GLIPR2: variants seen among roughly 807,000 people sequenced by gnomAD.
The protein encoded by GLIPR2 is GLI pathogenesis related 2, also known as Golgi-associated plant pathogenesis-related protein 1.
In GLIPR2, 21 loss-of-function variants were observed where a neutral mutation model predicts 20.4. That is an observed-to-expected ratio of 1.03 (90% confidence interval 0.73 to 1.48). The LOEUF (loss-of-function observed/expected upper bound fraction) is 1.48. Ranked by LOEUF, GLIPR2 falls within the 40% of genes most tolerant of loss-of-function variation. The probability of loss-of-function intolerance (pLI) is 0.00; values close to 1 mark genes in which losing one functional copy is unlikely to be tolerated. For synonymous variants in GLIPR2, 91 were observed against 80.5 expected (o/e 1.13, Z -0.70); for missense variants, 205 against 200.1 (o/e 1.02, Z -0.15).
At chr9:36,151,423 C>A (rs1203905590) in intron 4 of GLIPR2, among the ~76,000 whole-genome samples, 3 of 152,182 alleles carry the variant, frequency 2.0e-5, no homozygotes, top group East Asian at 3.9e-4. Context: ...AAGCTGCTGG[C>A]ACTCCTCCTT....
chr9:36,140,074 A>G (rs1825006562), intron 1 of GLIPR2, among the ~76,000 whole-genome samples: 1 of 152,168 alleles, frequency 6.6e-6, no homozygotes, highest in South Asian at 2.1e-4. Flanking sequence ...ACACACTGAC[A>G]GGTAAGCAAG....
intron 1 of GLIPR2, among the ~76,000 whole-genome samples, chr9:36,140,693 A>C (rs931886902): frequency 2.6e-4 from 40 of 152,172 alleles, no homozygotes; most frequent in African/African-American, 9.4e-4. Flanking sequence ...CATTTGGAAA[A>C]GAGGAAGCAA....
intron 4 of GLIPR2, among the ~76,000 whole-genome samples, chr9:36,157,958 G>A (rs780914346): frequency 3.3e-5 from 5 of 151,662 alleles, no homozygotes; most frequent in South Asian, 2.1e-4. Context: ...GATTACAGGC[G>A]TGTGCCACCA....
intron 4 of GLIPR2, 32 bp downstream of exon 4, chr9:36,150,981 C>T: frequency 6.6e-7 from 1 of 1,506,912 alleles, no homozygotes; most frequent in Non-Finnish European, 9.2e-7. Flanking sequence ...GTGGCCTGGC[C>T]CTGGGCAGCA....
chr9:36,149,441 T>C (rs1825485037), intron 3 of GLIPR2, among the ~76,000 whole-genome samples: 1 of 152,190 alleles, frequency 6.6e-6, no homozygotes, highest in South Asian at 2.1e-4. Flanking sequence ...CTGGGAGGCA[T>C]GTGTGAACTC....
intron 4 of GLIPR2, among the ~76,000 whole-genome samples, chr9:36,159,874 G>A (rs559103985): frequency 4.6e-5 from 7 of 152,230 alleles, no homozygotes; most frequent in Admixed American, 3.9e-4. Flanking sequence ...GCTGAGGCAG[G>A]AGAATTGCTT....
At chr9:36,156,013 C>T (rs912969587) in intron 4 of GLIPR2, among the ~76,000 whole-genome samples, 6 of 152,062 alleles carry the variant, frequency 3.9e-5, no homozygotes. Context: ...AGTTCGAGAC[C>T]AGCCTGGCCA....
chr9:36,141,722 T>A lies in GLIPR2; in HGVS notation c.13+4931T>A, dbSNP rs146793662. 2,561 of 423,022 alleles carry A rather than the reference T, an allele frequency of 6.1e-3. 59 individuals are homozygous for A. The highest frequency in any genetic ancestry group is 0.048 in the African/African-American group (2,335 of 48,448). 26.2% of individuals were successfully genotyped at this position (423,022 alleles called of 1,614,324 possible). A position where few individuals can be genotyped will look rare whatever the true frequency, so the allele number is the denominator to read the frequency against. On this transcript the variant is annotated intron_variant, in intron 1 of 4. Coordinates refer to ENST00000377960, the MANE Select transcript of GLIPR2 (RefSeq NM_022343.4). ...AGGCTGGAGTGCAGTGGTGCGATCA[T>A]GGCTCACTGCAGCCTCGATCTCCTG...
Position 36,162,579 on chromosome 9 carries a change from G to A in GLIPR2, c.*57G>A, listed in dbSNP as rs1826104924. 15 of 1,558,202 alleles carry A rather than the reference G, an allele frequency of 9.6e-6. No homozygotes were observed. The highest frequency in any genetic ancestry group is 5.4e-5 in the Admixed American group (3 of 55,678). On this transcript the variant is annotated 3_prime_UTR_variant, in exon 5 of 5. Transcript: ENST00000377960. The stretch of plus-strand genomic sequence containing the variant: ...TAAGAACGTGGATATGAAGTGCCTA[G>A]AACCACCACAACCTGGCTGTGCGTC...
At chr9:36,151,979 C>T (rs928707461) in intron 4 of GLIPR2, among the ~76,000 whole-genome samples, 2 of 152,222 alleles carry the variant, frequency 1.3e-5, no homozygotes, top group African/African-American at 4.8e-5. Flanking sequence ...CGGCCTTCCA[C>T]CCTCTAGAGG....
At chr9:36,162,313 G>C (rs895576797) in intron 4 of GLIPR2, 49 bp from the exon 5 acceptor site, 4 of 1,600,020 alleles carry the variant, frequency 2.5e-6, no homozygotes, top group Non-Finnish European at 3.4e-6. Flanking sequence ...CCTTCTTCAG[G>C]CTCTGCTAAT....
chr9:36,162,587 A>T lies in GLIPR2; in HGVS notation c.*65A>T. ...TGGATATGAAGTGCCTAGAACCACC[A>T]CAACCTGGCTGTGCGTCTGTCCCTG... is the stretch of plus-strand genomic sequence containing the variant. On this transcript the variant is annotated 3_prime_UTR_variant, in exon 5 of 5. Transcript: ENST00000377960. The T allele has an allele frequency of 6.6e-7, 1 of 1,523,288 alleles. No individual in the cohort carries two copies. Among genetic ancestry groups the T allele is most frequent in the Non-Finnish European group, 9.0e-7 (1 of 1,111,814 alleles). The allele number at this position is 1,523,288 out of a possible 1,614,324, so 94.4% of individuals were successfully genotyped here. A position where few individuals can be genotyped will look rare whatever the true frequency, so the allele number is the denominator to read the frequency against.
chr9:36,155,752 T>G (rs1207025438), intron 4 of GLIPR2, among the ~76,000 whole-genome samples: 4 of 152,058 alleles, frequency 2.6e-5, no homozygotes, highest in African/African-American at 9.7e-5. Context: ...AGTCTCTTCC[T>G]CTCTCTCCTA....
chr9:36,158,977 A>C (rs541781507), intron 4 of GLIPR2, among the ~76,000 whole-genome samples: 1 of 152,322 alleles, frequency 6.6e-6, no homozygotes, highest in South Asian at 2.1e-4. Context: ...AGGCATGAGA[A>C]TCACTTGAAC....
At position 36,148,560 on chromosome 9, in the gene GLIPR2, C is replaced by T; in HGVS notation, c.136C>T (p.Leu46=). The T allele has an allele frequency of 6.2e-7, 1 of 1,613,776 alleles. No individual in the cohort carries two copies. The highest frequency in any genetic ancestry group is 1.1e-5 in the South Asian group (1 of 91,066). The change falls in exon 3 of 5, where the codon CTG becomes TTG. Residue 46 remains leucine (L), a synonymous_variant. Coordinates refer to ENST00000377960, the MANE Select transcript of GLIPR2 (RefSeq NM_022343.4). ...NREAQQYSEA[L]ASTRILKHSP... ...TGAACTCTGCAGGTATTCTGAGGCC[C>T]TGGCCAGCACGAGGATCCTCAAGCA...
At chr9:36,150,117 G>A (rs1825514565) in intron 3 of GLIPR2, among the ~76,000 whole-genome samples, 1 of 152,210 alleles carries the variant, frequency 6.6e-6, no homozygotes, top group African/African-American at 2.4e-5. Context: ...AAGGACCCAG[G>A]CATTAGTATT....
In GLIPR2 at chr9:36,162,527, T is replaced by G; in HGVS notation, c.*5T>G. 1 of 1,614,062 alleles carries G rather than the reference T, an allele frequency of 6.2e-7. No homozygotes were observed. Among genetic ancestry groups the G allele is most frequent in the Non-Finnish European group, 8.5e-7 (1 of 1,179,954 alleles). On this transcript the variant is annotated 3_prime_UTR_variant, in exon 5 of 5. Coordinates refer to ENST00000377960, the MANE Select transcript of GLIPR2 (RefSeq NM_022343.4). ...GTCCTGCCGCCGAAGAAGTAACTTGTTAAATGTAATGGGAAGGTGGCAGAC... is the reference window on the plus strand; with the variant it reads ...GTCCTGCCGCCGAAGAAGTAACTTGGTAAATGTAATGGGAAGGTGGCAGAC...
chr9:36,159,718 A>C (rs1304619909), intron 4 of GLIPR2, among the ~76,000 whole-genome samples: 1 of 152,040 alleles, frequency 6.6e-6, no homozygotes, highest in Non-Finnish European at 1.5e-5. Flanking sequence ...TGTAATCCCA[A>C]TACTTGGCTG....
At chr9:36,153,291 C>T (rs1825683255) in intron 4 of GLIPR2, among the ~76,000 whole-genome samples, 2 of 152,160 alleles carry the variant, frequency 1.3e-5, no homozygotes, top group Admixed American at 1.3e-4. Flanking sequence ...AGTCAGAGCC[C>T]AACTTTCCAT....
Sources: allele counts gnomAD v4.1 joint callset (sites outside exome capture counted in the v4.1 genomes callset), GRCh38; gene constraint gnomAD v4.1.1; transcripts MANE v1.5; gene names NCBI Gene and HGNC (gene_info 2026-07-23, HGNC 2026-07-21).